The following NALF1 variants were observed in gnomAD, a reference collection of about 807,000 sequenced individuals.
NALF1 encodes NALCN channel auxiliary factor 1, also known as family with sequence similarity 155 member A.
In NALF1, 3 loss-of-function variants were observed where a neutral mutation model predicts 48.4. The ratio of observed to expected loss-of-function variants is 0.06; its 90% CI spans 0.03 to 0.16. The LOEUF (loss-of-function observed/expected upper bound fraction) is 0.16, where lower values mean the gene tolerates loss of function less well. NALF1 is among the 10% of genes least tolerant of loss of function. The pLI, the probability that NALF1 is intolerant of heterozygous loss-of-function variation, is 1.00. For missense variants in NALF1, 526 were observed against 571.5 expected, an observed-to-expected ratio of 0.92 and a Z score of 0.81; for synonymous variants, 262 against 245.7, an observed-to-expected ratio of 1.07 and a Z score of -0.62.
At chr13:107,431,708 T>C (rs1307344273) in intron 1 of NALF1, among the ~76,000 whole-genome samples, 2 of 152,146 alleles carry the variant, frequency 1.3e-5, no homozygotes, top group Non-Finnish European at 2.9e-5. Flanking sequence ...TATAAGTCAT[T>C]CTGGACTTGC....
chr13:107,174,663 G>A (rs1381544762), intron 2 of NALF1, among the ~76,000 whole-genome samples: 1 of 151,506 alleles, frequency 6.6e-6, no homozygotes, highest in Non-Finnish European at 1.5e-5. Flanking sequence ...CCAGGATGGA[G>A]GAACTTTTGA....
chr13:107,462,946 T>C (rs995295911), intron 1 of NALF1, among the ~76,000 whole-genome samples: 1 of 152,182 alleles, frequency 6.6e-6, no homozygotes, highest in Non-Finnish European at 1.5e-5. Flanking sequence ...CCAAGTCCTA[T>C]GAGTCCTTCT....
At chr13:107,206,430 A>G (rs1483419217) in intron 2 of NALF1, among the ~76,000 whole-genome samples, 3 of 152,216 alleles carry the variant, frequency 2.0e-5, no homozygotes, top group East Asian at 3.8e-4. Context: ...CTGGCTTACT[A>G]AAGGATCATA....
At chr13:107,220,537 A>G (rs1051014570) in intron 1 of NALF1, among the ~76,000 whole-genome samples, 6 of 152,264 alleles carry the variant, frequency 3.9e-5, no homozygotes, top group Admixed American at 1.3e-4. Flanking sequence ...GGTACCATCC[A>G]ATCTGTCTGT....
chr13:107,509,941 G>A (rs1416004952), intron 1 of NALF1, among the ~76,000 whole-genome samples: 1 of 152,016 alleles, frequency 6.6e-6, no homozygotes, highest in Non-Finnish European at 1.5e-5. Flanking sequence ...AAATTAGCTA[G>A]GACCACAGGT....
chr13:107,703,991 G>C (rs540656295), intron 1 of NALF1, among the ~76,000 whole-genome samples: 1 of 152,216 alleles, frequency 6.6e-6, no homozygotes, highest in East Asian at 1.9e-4. Context: ...TAGTTTGGCT[G>C]TCTATAGAAT....
chr13:107,267,174 G>T (rs972624820), intron 1 of NALF1, among the ~76,000 whole-genome samples: 2 of 152,176 alleles, frequency 1.3e-5, no homozygotes, highest in African/African-American at 4.8e-5. Context: ...AATAGAGCAA[G>T]CAGTCAATAA....
chr13:107,407,057 T>A (rs747544528), intron 1 of NALF1, among the ~76,000 whole-genome samples: 7 of 151,980 alleles, frequency 4.6e-5, no homozygotes, highest in Non-Finnish European at 1.0e-4. Context: ...GAAAACTGGA[T>A]AGCCATATAC....
Position 107,615,267 on chromosome 13 carries a change from A to G in NALF1, c.915+250415T>C, listed in dbSNP as rs553461751. ...AGATGCCTGTCCTCTCTATAATGTCACAGTCCTTTGTCTACAGTAGGTACT... is the reference window on the plus strand; with the variant it reads ...AGATGCCTGTCCTCTCTATAATGTCGCAGTCCTTTGTCTACAGTAGGTACT... On this transcript the variant is annotated intron_variant, in intron 1 of 2. Coordinates refer to ENST00000375915, the MANE Select transcript of NALF1 (RefSeq NM_001080396.3). Among the ~76,000 whole-genome samples the G allele has an allele frequency of 2.0e-5, 3 of 152,252 alleles. No homozygotes were observed. The South Asian group carries it at 6.2e-4, about 32-fold the overall frequency.
rs151124606 is a variant in NALF1, at chr13:107,633,820, C to T, written c.915+231862G>A. Among the ~76,000 whole-genome samples the T allele has an allele frequency of 2.1e-3, 299 of 143,012 alleles. 1 individual carries two copies. Among genetic ancestry groups the T allele is most frequent in the African/African-American group, 7.4e-3 (285 of 38,594 alleles). 93.8% of individuals were successfully genotyped at this position (143,012 alleles called of 152,430 possible). On this transcript the variant is annotated intron_variant, in intron 1 of 2. Transcript: ENST00000375915. ...TATATATATGGATATACATACATAT[C>T]CTGTTTTACCAAATTGGTCTCATAT...
At chr13:107,478,743 C>T (rs1395981604) in intron 1 of NALF1, among the ~76,000 whole-genome samples, 2 of 151,706 alleles carry the variant, frequency 1.3e-5, no homozygotes, top group Non-Finnish European at 2.9e-5. Flanking sequence ...TTTTTTTTTG[C>T]ATAACTAGGA....
chr13:107,388,879 C>CAGAT (rs1196609149), intron 1 of NALF1, among the ~76,000 whole-genome samples: 1 of 151,944 alleles, frequency 6.6e-6, no homozygotes, highest in East Asian at 1.9e-4. Context: ...AGAGCAAAAA[C>CAGAT]AGATGTAAGG....
At position 107,751,543 on chromosome 13, in the gene NALF1, A is replaced by T. The variant is rs141588282; in HGVS notation, c.915+114139T>A. 5.9e-3 allele frequency among the ~76,000 whole-genome samples: 894 copies of T among 152,308 alleles called. 6 individuals are homozygous for T. The highest frequency in any genetic ancestry group is 0.021 in the African/African-American group (860 of 41,580). On this transcript the variant is annotated intron_variant, in intron 1 of 2. Transcript: ENST00000375915. ...ATGCACAATTTACTGAACTAAACAA[A>T]TTAGTTATTCCTTAAAACAGACCTA...
chr13:107,768,772 A>T (rs1377291515), intron 1 of NALF1, among the ~76,000 whole-genome samples: 1 of 152,140 alleles, frequency 6.6e-6, no homozygotes, highest in African/African-American at 2.4e-5. Context: ...ATGGGAGAAA[A>T]TTTTCGCAAC....
chr13:107,600,533 TG>T (rs1344648279), intron 1 of NALF1, among the ~76,000 whole-genome samples: 3 of 152,234 alleles, frequency 2.0e-5, no homozygotes, highest in African/African-American at 7.2e-5. Flanking sequence ...AATATTTCAA[TG>T]TTTTTTTGAA....
intron 1 of NALF1, among the ~76,000 whole-genome samples, chr13:107,274,979 G>A (rs1394579906): frequency 6.6e-6 from 1 of 152,136 alleles, no homozygotes; most frequent in African/African-American, 2.4e-5. Flanking sequence ...GGAGAGAAAA[G>A]GGAAGATTGA....
intron 1 of NALF1, among the ~76,000 whole-genome samples, chr13:107,516,780 C>A (rs919629560): frequency 3.9e-5 from 6 of 152,124 alleles, no homozygotes; most frequent in African/African-American, 1.4e-4. Flanking sequence ...CTGAATGTCT[C>A]GTGAGGGATT....
intron 1 of NALF1, among the ~76,000 whole-genome samples, chr13:107,805,590 T>C (rs1377017358): frequency 6.6e-6 from 1 of 152,186 alleles, no homozygotes; most frequent in Non-Finnish European, 1.5e-5. Context: ...TGACCCTTGC[T>C]TTATTCCATC....
chr13:107,632,066 T>C (rs899434782), intron 1 of NALF1, among the ~76,000 whole-genome samples: 1 of 152,216 alleles, frequency 6.6e-6, no homozygotes, highest in Non-Finnish European at 1.5e-5. Context: ...CCTATTGTAT[T>C]ATCAAAGATG....
Sources: gnomAD v4.1 joint callset for allele counts (sites outside exome capture counted in the v4.1 genomes callset) on GRCh38, gnomAD v4.1.1 for gene constraint, MANE v1.5 for transcripts, NCBI Gene and HGNC (gene_info 2026-07-23, HGNC 2026-07-21) for gene names.